The following PLPPR5 variants were observed in gnomAD, a reference collection of about 807,000 sequenced individuals.
PLPPR5 encodes the protein phospholipid phosphatase-related protein type 5.
Under a neutral mutation model 33.9 loss-of-function variants are expected in PLPPR5, and 16 were observed. The observed-to-expected ratio is 0.47, with a 90% CI of 0.32 to 0.72. The LOEUF (loss-of-function observed/expected upper bound fraction) is 0.72, where lower values mean the gene tolerates loss of function less well. Among genes scored for constraint, PLPPR5 ranks in the 30% least tolerant of loss-of-function variants. The probability of loss-of-function intolerance (pLI) is 0.03; values close to 1 mark genes in which losing one functional copy is unlikely to be tolerated. For missense variants in PLPPR5, 301 were observed against 406.7 expected (o/e 0.74, Z 2.23); for synonymous variants, 163 against 150.3 (o/e 1.08, Z -0.62).
chr1:99,004,807 G>T lies in PLPPR5; in HGVS notation c.-136C>A. 2.5e-6 allele frequency: 1 copy of T among 397,786 alleles called. No individual in the cohort carries two copies. 24.6% of individuals were successfully genotyped at this position (397,786 alleles called of 1,614,324 possible). ...AGGACGAGGCACGGGAGGCGGGATG[G>T]AGCCGCTGGAGGAAGAGGCGGAGGC... is the stretch of plus-strand genomic sequence containing the variant. On this transcript the variant is annotated 5_prime_UTR_variant, in exon 1 of 6. Coordinates refer to ENST00000263177, the MANE Select transcript of PLPPR5 (RefSeq NM_001037317.2).
rs35482227 is a variant in PLPPR5, at chr1:98,949,268, CT to C, written c.621+3801del. On this transcript the variant is annotated intron_variant, in intron 3 of 5. Coordinates refer to ENST00000263177, the MANE Select transcript of PLPPR5 (RefSeq NM_001037317.2). ...GGTACTTACAAAAATAGGAATAGAGCTTTTTTTTTTTATTATTCCTGAAAAT... is the reference window on the plus strand; with the variant it reads ...GGTACTTACAAAAATAGGAATAGAGCTTTTTTTTTTATTATTCCTGAAAAT... Among the ~76,000 whole-genome samples the C allele has an allele frequency of 1.2e-3, 173 of 146,722 alleles. 2 individuals are homozygous for C. Among genetic ancestry groups the C allele is most frequent in the African/African-American group, 3.1e-3 (126 of 40,100 alleles).
At chr1:99,004,897 T>G, upstream of PLPPR5, 2 of 195,770 alleles carry the variant, frequency 1.0e-5, no homozygotes, top group Non-Finnish European at 1.0e-5. Context: ...GAGCCCCCTC[T>G]CCCCTGCCCG....
chr1:98,993,084 A>G (rs1380008626), intron 1 of PLPPR5, among the ~76,000 whole-genome samples: 1 of 152,112 alleles, frequency 6.6e-6, no homozygotes, highest in Non-Finnish European at 1.5e-5. Flanking sequence ...TAGTTGAACA[A>G]TGTCTGCTAC....
intron 4 of PLPPR5, among the ~76,000 whole-genome samples, chr1:98,917,466 C>T (rs971245398): frequency 5.3e-5 from 8 of 152,152 alleles, no homozygotes; most frequent in African/African-American, 1.9e-4. Flanking sequence ...TATGTTACCC[C>T]CTTAAAGCCA....
chr1:98,943,438 A>G (rs1227361789), intron 3 of PLPPR5, among the ~76,000 whole-genome samples: 1 of 152,178 alleles, frequency 6.6e-6, no homozygotes, highest in African/African-American at 2.4e-5. Flanking sequence ...ACAATGATAC[A>G]TGGAGACCTG....
At chr1:98,996,999 A>G (rs1652654751) in intron 1 of PLPPR5, among the ~76,000 whole-genome samples, 1 of 152,170 alleles carries the variant, frequency 6.6e-6, no homozygotes, top group Admixed American at 6.6e-5. Context: ...ACTGGAGCAA[A>G]TTACTAAAGC....
At chr1:98,963,742 A>G (rs1651331730) in intron 1 of PLPPR5, among the ~76,000 whole-genome samples, 1 of 152,164 alleles carries the variant, frequency 6.6e-6, no homozygotes, top group Admixed American at 6.5e-5. Flanking sequence ...CTACAGTTTC[A>G]AAAGATAGGA....
chr1:98,902,235 G>T (rs902730825), intron 5 of PLPPR5, among the ~76,000 whole-genome samples: 2 of 151,994 alleles, frequency 1.3e-5, no homozygotes, highest in Admixed American at 1.3e-4. Context: ...TGATATGACT[G>T]TTATATTTAT....
chr1:98,967,325 C>T (rs1651486073), intron 1 of PLPPR5, among the ~76,000 whole-genome samples: 1 of 152,164 alleles, frequency 6.6e-6, no homozygotes, highest in Non-Finnish European at 1.5e-5. Context: ...CTCACATCCT[C>T]TGCGAGTCTA....
chr1:98,931,113 G>A (rs982587469), intron 3 of PLPPR5, among the ~76,000 whole-genome samples: 6 of 152,132 alleles, frequency 3.9e-5, no homozygotes, highest in African/African-American at 1.4e-4. Context: ...GGAGGAGCAG[G>A]ATGACTCTTT....
At chr1:98,964,946 T>C (rs1169417996) in intron 1 of PLPPR5, among the ~76,000 whole-genome samples, 1 of 151,770 alleles carries the variant, frequency 6.6e-6, no homozygotes, top group African/African-American at 2.4e-5. Flanking sequence ...ACTACAGGCA[T>C]GTGCAACCAT....
At chr1:98,936,144 G>T (rs1650162186) in intron 3 of PLPPR5, among the ~76,000 whole-genome samples, 1 of 152,112 alleles carries the variant, frequency 6.6e-6, no homozygotes, top group Admixed American at 6.5e-5. Flanking sequence ...AATTATAATA[G>T]TACCTATGGA....
chr1:98,917,950 T>C (rs867913309), intron 4 of PLPPR5, among the ~76,000 whole-genome samples: 4 of 152,266 alleles, frequency 2.6e-5, no homozygotes, highest in Admixed American at 6.5e-5. Flanking sequence ...GATGTGCTTA[T>C]ATAATTTAAT....
chr1:98,992,490 G>A (rs2100761788), intron 1 of PLPPR5, among the ~76,000 whole-genome samples: 2 of 152,196 alleles, frequency 1.3e-5, no homozygotes, highest in East Asian at 3.9e-4. Context: ...GTTATATTAT[G>A]CTATGTGAAA....
intron 1 of PLPPR5, among the ~76,000 whole-genome samples, chr1:98,983,895 G>A (rs1238695170): frequency 1.3e-5 from 2 of 151,128 alleles, no homozygotes; most frequent in African/African-American, 4.9e-5. Context: ...GTCTTCTTTT[G>A]AGAAGTGTCT....
intron 3 of PLPPR5, among the ~76,000 whole-genome samples, chr1:98,924,440 C>A (rs575493119): frequency 2.0e-5 from 3 of 152,108 alleles, no homozygotes; most frequent in African/African-American, 7.2e-5. Context: ...AAGTTGAGTA[C>A]CAGTGAATGC....
intron 1 of PLPPR5, among the ~76,000 whole-genome samples, chr1:98,986,801 C>A (rs371055555): frequency 6.6e-6 from 1 of 151,744 alleles, no homozygotes; most frequent in Non-Finnish European, 1.5e-5. Flanking sequence ...TCCTCTGTTA[C>A]AATGACAAGG....
At chr1:98,901,253 C>T (rs1252059757) in intron 5 of PLPPR5, among the ~76,000 whole-genome samples, 3 of 152,046 alleles carry the variant, frequency 2.0e-5, no homozygotes, top group Admixed American at 1.3e-4. Context: ...TGGCAAAACG[C>T]GAGGAACCAA....
At chr1:98,992,745 A>T (rs933766551) in intron 1 of PLPPR5, among the ~76,000 whole-genome samples, 7 of 152,174 alleles carry the variant, frequency 4.6e-5, no homozygotes, top group Admixed American at 2.0e-4. Context: ...CTTTTGGGAC[A>T]ACAGTATAGT....
Sources: allele counts gnomAD v4.1 joint callset (sites outside exome capture counted in the v4.1 genomes callset), GRCh38; gene constraint gnomAD v4.1.1; transcripts MANE v1.5; gene names NCBI Gene and HGNC (gene_info 2026-07-23, HGNC 2026-07-21).